ZFHX3: variants seen among roughly 807,000 people sequenced by gnomAD.
ZFHX3 encodes zinc finger homeobox 3.
ZFHX3 carries 42 observed loss-of-function variants against 279.1 expected under a neutral mutation model. The ratio of observed to expected loss-of-function variants is 0.15; its 90% CI spans 0.12 to 0.19. The LOEUF is 0.19. Ranked by LOEUF, ZFHX3 falls within the 10% of genes least tolerant of loss-of-function variation. The pLI is 1.00. For synonymous variants in ZFHX3, 2,293 were observed against 1,957.8 expected (o/e 1.17, Z -4.52); for missense variants, 4,981 against 4,754.0 (o/e 1.05, Z -1.40).
chr16:73,714,120 T>C (rs897824879), intron 1 of ZFHX3, among the ~76,000 whole-genome samples: 16 of 152,154 alleles, frequency 1.1e-4, no homozygotes, highest in Admixed American at 7.2e-4. Flanking sequence ...GGATGCTCAG[T>C]ATTAATTATT....
chr16:73,716,474 G>C (rs186504285), intron 1 of ZFHX3, among the ~76,000 whole-genome samples: 1 of 152,232 alleles, frequency 6.6e-6, no homozygotes, highest in South Asian at 2.1e-4. Context: ...TCCACCCCTT[G>C]CAACTTCCAA....
chr16:73,682,763 G>A (rs549344720), intron 1 of ZFHX3, among the ~76,000 whole-genome samples: 2 of 148,906 alleles, frequency 1.3e-5, no homozygotes, highest in African/African-American at 5.0e-5. Flanking sequence ...CTCCAGCCTG[G>A]GCAACAAGAG....
At chr16:72,842,063 C>G (rs1443202889) in intron 4 of ZFHX3, among the ~76,000 whole-genome samples, 1 of 152,142 alleles carries the variant, frequency 6.6e-6, no homozygotes, top group Non-Finnish European at 1.5e-5. Flanking sequence ...ATTTGTAGCA[C>G]ACAATTACAT....
intron 4 of ZFHX3, among the ~76,000 whole-genome samples, chr16:73,257,745 C>A (rs2013700436): frequency 6.6e-6 from 1 of 152,146 alleles, no homozygotes; most frequent in Non-Finnish European, 1.5e-5. Context: ...GGTAAATACC[C>A]ATAATTAGTT....
At chr16:72,961,518 T>C (rs1961578040) in intron 1 of ZFHX3, among the ~76,000 whole-genome samples, 1 of 152,090 alleles carries the variant, frequency 6.6e-6, no homozygotes, top group South Asian at 2.1e-4. Context: ...CTGCTCCTCC[T>C]GGAGAACATG....
intron 3 of ZFHX3, among the ~76,000 whole-genome samples, chr16:72,912,487 A>T (rs796890006): frequency 1.6e-4 from 24 of 152,290 alleles, no homozygotes; most frequent in African/African-American, 5.5e-4. Context: ...CTTATTTGGA[A>T]AATTGTTGCA....
At chr16:73,885,325 T>G (rs1394039199) in intron 1 of ZFHX3, among the ~76,000 whole-genome samples, 1 of 152,180 alleles carries the variant, frequency 6.6e-6, no homozygotes, top group Non-Finnish European at 1.5e-5. Context: ...AAAAAACTTT[T>G]TATATGACAT....
At chr16:73,315,389 C>G (rs1284451307) in intron 4 of ZFHX3, among the ~76,000 whole-genome samples, 1 of 152,084 alleles carries the variant, frequency 6.6e-6, no homozygotes, top group Non-Finnish European at 1.5e-5. Context: ...AGTAAAGTTT[C>G]TACCTTTTAG....
chr16:72,951,034 C>G lies in ZFHX3; in HGVS notation c.2720-69G>C. ...GGTCACGGCCACAGCTGAGGCACCC[C>G]CCAGCCCTCCGCCACCCTCAACTGG... On this transcript the variant is annotated intron_variant, in intron 2 of 9. Transcript: ENST00000268489. 4.5e-6 allele frequency: 7 copies of G among 1,553,210 alleles called. No homozygotes were observed. The South Asian group carries it at 8.5e-5, about 19-fold the overall frequency.
At chr16:73,502,423 T>C (rs766992594) in intron 2 of ZFHX3, among the ~76,000 whole-genome samples, 26 of 152,350 alleles carry the variant, frequency 1.7e-4, no homozygotes, top group Admixed American at 3.3e-4. Flanking sequence ...CCACAATTAA[T>C]AGGGTCAGAA....
chr16:73,662,582 A>T (rs1469800284), intron 2 of ZFHX3, among the ~76,000 whole-genome samples: 2 of 152,160 alleles, frequency 1.3e-5, no homozygotes, highest in African/African-American at 4.8e-5. Flanking sequence ...AGGCTGGCAA[A>T]CTCTAGCATA....
chr16:73,778,028 T>C (rs1415974594), intron 1 of ZFHX3, among the ~76,000 whole-genome samples: 1 of 151,444 alleles, frequency 6.6e-6, no homozygotes, highest in Non-Finnish European at 1.5e-5. Flanking sequence ...AGACCCTGTC[T>C]CCAGAAATAA....
intron 1 of ZFHX3, among the ~76,000 whole-genome samples, chr16:73,753,335 G>T (rs2053777586): frequency 6.6e-6 from 1 of 152,122 alleles, no homozygotes; most frequent in Non-Finnish European, 1.5e-5. Context: ...TGCCCTCATT[G>T]CTCACTTGCA....
chr16:72,959,938 G>C lies in ZFHX3; in HGVS notation c.208C>G (p.Pro70Ala), dbSNP rs1373994234. The C allele has an allele frequency of 1.2e-6, 2 of 1,600,132 alleles. No individual in the cohort carries two copies. Among genetic ancestry groups the C allele is most frequent in the Non-Finnish European group, 1.7e-6 (2 of 1,173,090 alleles). The change falls in exon 2 of 10, where the codon CCC (proline) becomes GCC (alanine). Residue 70 changes from proline to alanine, a missense_variant. Transcript: ENST00000268489. ...RLAESTASAG[P>A]PSEPASKEVT... Reference sequence around the variant, plus strand: ...TCCTTGCTGGCGGGCTCGGAGGGGGGCCCGGCCGACGCGGTGCTCTCCGCG... The same window carrying C: ...TCCTTGCTGGCGGGCTCGGAGGGGGCCCCGGCCGACGCGGTGCTCTCCGCG...
intron 1 of ZFHX3, among the ~76,000 whole-genome samples, chr16:73,008,800 A>C (rs1049763034): frequency 6.6e-5 from 10 of 152,156 alleles, no homozygotes; most frequent in African/African-American, 1.9e-4. Context: ...ACTTGGCCCC[A>C]AGATGATTAC....
intron 3 of ZFHX3, among the ~76,000 whole-genome samples, chr16:72,950,171 A>G (rs1306646371): frequency 6.6e-6 from 1 of 152,054 alleles, no homozygotes; most frequent in Non-Finnish European, 1.5e-5. Flanking sequence ...GATGCAAAAG[A>G]GCCCATGTAA....
chr16:73,168,267 C>CTTTCTTTCTTTT (rs1967438457), intron 5 of ZFHX3, among the ~76,000 whole-genome samples: 1 of 148,508 alleles, frequency 6.7e-6, no homozygotes, highest in Admixed American at 6.8e-5. Context: ...TTCTTTCTTT[C>CTTTCTTTCTTTT]TTTCTTTCTT....
intron 1 of ZFHX3, among the ~76,000 whole-genome samples, chr16:73,682,922 A>AAGAGAG (rs201697940): frequency 9.0e-5 from 5 of 55,458 alleles, no homozygotes; most frequent in Admixed American, 3.7e-4. Flanking sequence ...GAAAGAGAGA[A>AAGAGAG]AGAGAAAGAA....
chr16:73,873,199 G>GA (rs1306699655), intron 1 of ZFHX3, among the ~76,000 whole-genome samples: 2 of 94,970 alleles, frequency 2.1e-5, no homozygotes, highest in Non-Finnish European at 4.2e-5. Context: ...ATGGTGGGTG[G>GA]TGGTGGGTGG....
Sources: gnomAD v4.1 joint callset for allele counts (sites outside exome capture counted in the v4.1 genomes callset) on GRCh38, gnomAD v4.1.1 for gene constraint, MANE v1.5 for transcripts, NCBI Gene and HGNC (gene_info 2026-07-23, HGNC 2026-07-21) for gene names.